ZFHX4: variants seen among roughly 807,000 people sequenced by gnomAD.
ZFHX4 encodes the protein zinc finger homeobox 4, also known as zinc finger homeobox protein 4.
Under a neutral mutation model 267.6 loss-of-function variants are expected in ZFHX4, and 56 were observed. The ratio of observed to expected loss-of-function variants is 0.21; its 90% CI spans 0.17 to 0.26. The LOEUF (loss-of-function observed/expected upper bound fraction) is 0.26, where lower values mean the gene tolerates loss of function less well. Ranked by LOEUF, ZFHX4 falls within the 10% of genes least tolerant of loss-of-function variation. The pLI is 1.00. For synonymous variants in ZFHX4, 1,778 were observed against 1,665.6 expected, an observed-to-expected ratio of 1.07 and a Z score of -1.64; for missense variants, 4,332 against 4,420.0, an observed-to-expected ratio of 0.98 and a Z score of 0.56.
In ZFHX4 at chr8:76,704,375, T is replaced by G. The variant is rs1348026466; in HGVS notation, c.287T>G (p.Met96Arg). ...TCTTTTCCCAGTTTACAGAAATACA[T>G]GGAACACCACTGCCCTAATGCCCGC... is the stretch of plus-strand genomic sequence containing the variant. ...ATSFPSLQKY[M>R]EHHCPNARLP... The change falls in exon 2 of 11, where the codon ATG becomes AGG. Residue 96 changes from methionine to arginine, a missense_variant. Coordinates refer to ENST00000651372, the MANE Select transcript of ZFHX4 (RefSeq NM_024721.5). 6.2e-7 allele frequency: 1 copy of G among 1,613,958 alleles called. No individual in the cohort carries two copies.
chr8:76,726,342 G>A (rs1333143494), intron 3 of ZFHX4, among the ~76,000 whole-genome samples: 1 of 151,884 alleles, frequency 6.6e-6, no homozygotes, highest in Non-Finnish European at 1.5e-5. Flanking sequence ...AAAAGTTGAT[G>A]ATTTTAAAAC....
intron 1 of ZFHX4, among the ~76,000 whole-genome samples, chr8:76,692,583 T>A (rs1031186731): frequency 3.3e-5 from 5 of 152,182 alleles, no homozygotes; most frequent in Non-Finnish European, 7.4e-5. Context: ...TTTATTGTTC[T>A]ATAATAATGC....
At chr8:76,725,566 A>C (rs1483382221) in intron 3 of ZFHX4, among the ~76,000 whole-genome samples, 1 of 152,112 alleles carries the variant, frequency 6.6e-6, no homozygotes, top group Non-Finnish European at 1.5e-5. Flanking sequence ...AAAAAAAATC[A>C]AACCAATTAT....
At position 76,866,906 on chromosome 8, in the gene ZFHX4, A is replaced by G. The variant is rs899559990; in HGVS notation, c.*2341A>G. The G allele has an allele frequency of 2.6e-5, 4 of 152,592 alleles. No homozygotes were observed. In the Admixed American group the frequency reaches 2.6e-4, roughly 10 times the overall value. The allele number at this position is 152,592 out of a possible 1,614,324, so 9.5% of individuals were successfully genotyped here. A position where few individuals can be genotyped will look rare whatever the true frequency, so the allele number is the denominator to read the frequency against. On this transcript the variant is annotated 3_prime_UTR_variant, in exon 11 of 11. Coordinates refer to ENST00000651372, the MANE Select transcript of ZFHX4 (RefSeq NM_024721.5). ...AGAATTGTTTTTTCCTGGATATCAA[A>G]GGGATTATCACAGCGCAATCATTGT...
chr8:76,732,720 G>C (rs1809053686), intron 3 of ZFHX4, among the ~76,000 whole-genome samples: 1 of 152,126 alleles, frequency 6.6e-6, no homozygotes, highest in South Asian at 2.1e-4. Flanking sequence ...TGCAAAAATG[G>C]GCAAGGGCTT....
In ZFHX4 at chr8:76,704,587, C is replaced by T. The variant is rs766514345; in HGVS notation, c.499C>T (p.Leu167=). The stretch of plus-strand genomic sequence containing the variant: ...CAAACTCTTTTCTACAGCGATGTTC[C>T]TGGACTCCCTGGCATCTGCTGGAGA... ...NSKLFSTAMF[L]DSLASAGEKS... Residue 167 remains leucine, a synonymous_variant, in exon 2 of 11, where the codon CTG becomes TTG. Coordinates refer to ENST00000651372, the MANE Select transcript of ZFHX4 (RefSeq NM_024721.5). The T allele has an allele frequency of 1.1e-5, 17 of 1,613,976 alleles. No homozygotes were observed. In the South Asian group the frequency reaches 1.4e-4, roughly 14 times the overall value.
Position 76,763,310 on chromosome 8 carries a change from A to G in ZFHX4, c.3094-14898A>G, listed in dbSNP as rs548707264. On this transcript the variant is annotated intron_variant, in intron 3 of 10. Coordinates refer to ENST00000651372, the MANE Select transcript of ZFHX4 (RefSeq NM_024721.5). ...AGATGAAAAAGCAGGATGTGTTTAGAATCATTAGCAGTGGAAGGATAAGAT... is the reference window on the plus strand; with the variant it reads ...AGATGAAAAAGCAGGATGTGTTTAGGATCATTAGCAGTGGAAGGATAAGAT... Among the ~76,000 whole-genome samples, 9 of 152,320 alleles carry G rather than the reference A, an allele frequency of 5.9e-5. No homozygotes were observed. The South Asian group carries it at 1.7e-3, about 28-fold the overall frequency.
At chr8:76,813,551 A>C (rs2131849082) in intron 4 of ZFHX4, among the ~76,000 whole-genome samples, 1 of 152,252 alleles carries the variant, frequency 6.6e-6, no homozygotes, top group South Asian at 2.1e-4. Context: ...TCAAATCAAA[A>C]TTTTTCCTAC....
intron 3 of ZFHX4, among the ~76,000 whole-genome samples, chr8:76,746,013 AGTG>A (rs1809450094): frequency 6.6e-6 from 1 of 152,226 alleles, no homozygotes. Context: ...TAGTTTTAAC[AGTG>A]GTTTCTGGTA....
intron 1 of ZFHX4, among the ~76,000 whole-genome samples, chr8:76,687,236 T>C (rs749822385): frequency 6.6e-6 from 1 of 152,168 alleles, no homozygotes; most frequent in Non-Finnish European, 1.5e-5. Context: ...TGGAGACTGG[T>C]TTAATTGTGC....
At chr8:76,830,134 T>C (rs1329253219) in intron 4 of ZFHX4, among the ~76,000 whole-genome samples, 1 of 152,126 alleles carries the variant, frequency 6.6e-6, no homozygotes, top group Admixed American at 6.5e-5. Context: ...ATTCAGTACT[T>C]GGCACAGAGC....
chr8:76,731,981 A>C (rs1373989312), intron 3 of ZFHX4, among the ~76,000 whole-genome samples: 1 of 151,670 alleles, frequency 6.6e-6, no homozygotes, highest in African/African-American at 2.4e-5. Context: ...AACTGGGACT[A>C]CAGGTGTGTG....
At chr8:76,685,484 C>T (rs1807669232) in intron 1 of ZFHX4, among the ~76,000 whole-genome samples, 1 of 151,846 alleles carries the variant, frequency 6.6e-6, no homozygotes, top group Non-Finnish European at 1.5e-5. Context: ...CAGTGTAGAC[C>T]CAGGCTCAAT....
chr8:76,687,594 T>A (rs1287961429), intron 1 of ZFHX4, among the ~76,000 whole-genome samples: 1 of 152,188 alleles, frequency 6.6e-6, no homozygotes, highest in Non-Finnish European at 1.5e-5. Flanking sequence ...ACTGAAGGAC[T>A]TTTTCTTCTT....
rs926022988 is a variant in ZFHX4, at chr8:76,866,146, A to C, written c.*1581A>C. 2.6e-5 allele frequency: 4 copies of C among 152,680 alleles called. No individual in the cohort carries two copies. The highest frequency in any genetic ancestry group is 9.6e-5 in the African/African-American group (4 of 41,476). The allele number at this position is 152,680 out of a possible 1,614,324, so 9.5% of individuals were successfully genotyped here. A position where few individuals can be genotyped will look rare whatever the true frequency, so the allele number is the denominator to read the frequency against. The stretch of plus-strand genomic sequence containing the variant: ...AGTAACAGAAGGTTATTTGTAAGAA[A>C]GTTAAAGGCTTGTGAACAAAGAAAG... On this transcript the variant is annotated 3_prime_UTR_variant, in exon 11 of 11. Transcript: ENST00000651372.
chr8:76,822,452 C>CTTTTTTTTTTTTTTTTTTT (rs5892566), intron 4 of ZFHX4, among the ~76,000 whole-genome samples: 1 of 116,150 alleles, frequency 8.6e-6, no homozygotes, highest in Non-Finnish European at 1.7e-5. Flanking sequence ...GTGTCTACCT[C>CTTTTTTTTTTTTTTTTTTT]TTTTTTTTTT....
intron 3 of ZFHX4, among the ~76,000 whole-genome samples, chr8:76,763,098 A>G (rs1809959443): frequency 6.6e-6 from 1 of 152,134 alleles, no homozygotes; most frequent in Non-Finnish European, 1.5e-5. Flanking sequence ...GTTGAGGAAG[A>G]GACACCATTG....
intron 5 of ZFHX4, among the ~76,000 whole-genome samples, chr8:76,841,796 C>T (rs1320580239): frequency 1.3e-5 from 2 of 152,122 alleles, no homozygotes; most frequent in African/African-American, 4.8e-5. Context: ...GGTTATCTGG[C>T]ATTACTCAGA....
rs957022404 is a variant in ZFHX4 at position 76,864,775 on chromosome 8, C to A, written c.*210C>A. 2 of 370,020 alleles carry A rather than the reference C, an allele frequency of 5.4e-6. No homozygotes were observed. The highest frequency in any genetic ancestry group is 4.1e-5 in the East Asian group (1 of 24,228). 22.9% of individuals were successfully genotyped at this position (370,020 alleles called of 1,614,324 possible). A position where few individuals can be genotyped will look rare whatever the true frequency, so the allele number is the denominator to read the frequency against. On this transcript the variant is annotated 3_prime_UTR_variant, in exon 11 of 11. Transcript: ENST00000651372. The stretch of plus-strand genomic sequence containing the variant: ...ATGCAGATGGTTGAATGCGCTTGTA[C>A]TATATGCTAAAATATGGAAAAGGAA...
Sources: allele counts gnomAD v4.1 joint callset (sites outside exome capture counted in the v4.1 genomes callset), GRCh38; gene constraint gnomAD v4.1.1; transcripts MANE v1.5; gene names NCBI Gene and HGNC (gene_info 2026-07-23, HGNC 2026-07-21).